Variants in KIAA0513 observed in about 807,000 individuals in gnomAD.
The protein encoded by KIAA0513 is uncharacterized protein KIAA0513.
In KIAA0513, 39 loss-of-function variants were observed where a neutral mutation model predicts 56.5. The ratio of observed to expected loss-of-function variants is 0.69; its 90% CI spans 0.53 to 0.90. KIAA0513 has a LOEUF of 0.90. Ranked by LOEUF, KIAA0513 falls within the 40% of genes least tolerant of loss-of-function variation. The pLI is 0.00. For synonymous variants in KIAA0513, 268 were observed against 215.6 expected (o/e 1.24, Z -2.13); for missense variants, 591 against 535.2 (o/e 1.10, Z -1.03).
intron 1 of KIAA0513, among the ~76,000 whole-genome samples, chr16:85,045,156 A>G (rs1002949618): frequency 6.6e-6 from 1 of 152,060 alleles, no homozygotes; most frequent in Non-Finnish European, 1.5e-5. Flanking sequence ...AAAAGAAAGC[A>G]TCTGTCCCTC....
chr16:85,043,657 C>G (rs995378627), intron 1 of KIAA0513, among the ~76,000 whole-genome samples: 1 of 152,046 alleles, frequency 6.6e-6, no homozygotes, highest in Non-Finnish European at 1.5e-5. Flanking sequence ...AAGTGATCCA[C>G]CCACCTCAGC....
chr16:85,063,519 G>C (rs972549883), intron 1 of KIAA0513: 1 of 152,264 alleles, frequency 6.6e-6, no homozygotes, highest in African/African-American at 2.4e-5. Flanking sequence ...ACCCGCCTCG[G>C]CCTCCCAAAG....
intron 9 of KIAA0513, among the ~76,000 whole-genome samples, chr16:85,082,308 G>A (rs940285365): frequency 1.3e-5 from 2 of 152,132 alleles, no homozygotes; most frequent in Admixed American, 6.5e-5. Flanking sequence ...GAGACTGCCC[G>A]AGGAGCCTCG....
intron 1 of KIAA0513, among the ~76,000 whole-genome samples, chr16:85,057,653 T>G (rs2073348063): frequency 6.6e-6 from 1 of 152,306 alleles, no homozygotes; most frequent in Non-Finnish European, 1.5e-5. Context: ...GGTGGAGTAT[T>G]GTCCTGGGAT....
In KIAA0513 at chr16:85,067,045, C is replaced by T. The variant is rs779164384; in HGVS notation, c.-27C>T. On this transcript the variant is annotated 5_prime_UTR_variant, in exon 2 of 13. Coordinates refer to ENST00000683363, the MANE Select transcript of KIAA0513 (RefSeq NM_001388359.1). Reference sequence around the variant, plus strand: ...CCCTCTAGGCAGCCTCCCCTCCAGGCAGCCTCACCAGCAGCTCCCCTGAGC... The same window carrying T: ...CCCTCTAGGCAGCCTCCCCTCCAGGTAGCCTCACCAGCAGCTCCCCTGAGC... The T allele has an allele frequency of 6.6e-7, 1 of 1,516,746 alleles. No homozygotes were observed. Among genetic ancestry groups the T allele is most frequent in the Non-Finnish European group, 8.8e-7 (1 of 1,133,778 alleles). The allele number at this position is 1,516,746 out of a possible 1,614,324, so 94.0% of individuals were successfully genotyped here.
chr16:85,086,098 C>T (rs1405715747), intron 10 of KIAA0513, among the ~76,000 whole-genome samples: 4 of 152,236 alleles, frequency 2.6e-5, no homozygotes, highest in East Asian at 3.9e-4. Context: ...TGGCCCTCAG[C>T]GCCCTCAGCC....
At chr16:85,053,463 C>A (rs1329941598) in intron 1 of KIAA0513, among the ~76,000 whole-genome samples, 4 of 152,102 alleles carry the variant, frequency 2.6e-5, no homozygotes, top group Admixed American at 2.6e-4. Flanking sequence ...GCATTCATAT[C>A]TGAATAATTA....
intron 2 of KIAA0513, 79 bp downstream of exon 2, chr16:85,067,479 C>A: frequency 8.3e-7 from 1 of 1,201,480 alleles, no homozygotes; most frequent in Non-Finnish European, 1.2e-6. Flanking sequence ...TCGGCTCTGC[C>A]TCTCCCCAGG....
At chr16:85,063,098 C>A (rs2073428539) in intron 1 of KIAA0513, 1 of 152,290 alleles carries the variant, frequency 6.6e-6, no homozygotes, top group Non-Finnish European at 1.5e-5. Context: ...TCTGCTTCCT[C>A]TCACTCTGTG....
At chr16:85,046,989 T>C in intron 1 of KIAA0513, among the ~76,000 whole-genome samples, 1 of 152,234 alleles carries the variant, frequency 6.6e-6, no homozygotes, top group East Asian at 1.9e-4. Flanking sequence ...CTTTGTATGC[T>C]GAGTGGTTCT....
chr16:85,083,897 C>A (rs1000287890), intron 10 of KIAA0513, among the ~76,000 whole-genome samples: 2 of 152,162 alleles, frequency 1.3e-5, no homozygotes, highest in Admixed American at 6.5e-5. Context: ...CCATTATCAT[C>A]CTCTCTGTGT....
intron 1 of KIAA0513, among the ~76,000 whole-genome samples, chr16:85,058,654 CAAAAA>C (rs58904956): frequency 8.1e-6 from 1 of 122,792 alleles, no homozygotes. Flanking sequence ...CTCCATCTCA[CAAAAA>C]AAAAAAAAAC....
chr16:85,037,647 T>G (rs1343207955), intron 1 of KIAA0513, among the ~76,000 whole-genome samples: 1 of 152,238 alleles, frequency 6.6e-6, no homozygotes, highest in African/African-American at 2.4e-5. Context: ...AGAGGCAGAT[T>G]ATGTTGAACT....
intron 1 of KIAA0513, among the ~76,000 whole-genome samples, chr16:85,029,180 T>C (rs111259204): frequency 1.1e-3 from 175 of 152,324 alleles, no homozygotes; most frequent in African/African-American, 4.1e-3. Context: ...CGAAAGGCTA[T>C]TGAAATTGGC....
chr16:85,058,041 T>C (rs887353979), intron 1 of KIAA0513, among the ~76,000 whole-genome samples: 4 of 152,212 alleles, frequency 2.6e-5, no homozygotes, highest in Non-Finnish European at 4.4e-5. Flanking sequence ...CAGGCTCTTA[T>C]GTTCACAGCA....
chr16:85,053,931 G>T (rs1331073444), intron 1 of KIAA0513, among the ~76,000 whole-genome samples: 1 of 149,820 alleles, frequency 6.7e-6, no homozygotes, highest in Non-Finnish European at 1.5e-5. Context: ...GGCAGAGTTT[G>T]CAGCGAACTG....
intron 1 of KIAA0513, among the ~76,000 whole-genome samples, chr16:85,039,250 C>G (rs555092211): frequency 1.3e-5 from 2 of 152,154 alleles, no homozygotes; most frequent in South Asian, 2.1e-4. Flanking sequence ...TCCTTGTAAC[C>G]CAAAACACTG....
chr16:85,066,613 A>G (rs1278701991), intron 1 of KIAA0513, among the ~76,000 whole-genome samples: 1 of 152,088 alleles, frequency 6.6e-6, no homozygotes, highest in Non-Finnish European at 1.5e-5. Flanking sequence ...TGTCCTGGCG[A>G]TGGGCTCAGT....
At chr16:85,059,174 T>C (rs2073369641) in intron 1 of KIAA0513, among the ~76,000 whole-genome samples, 1 of 152,218 alleles carries the variant, frequency 6.6e-6, no homozygotes, top group Non-Finnish European at 1.5e-5. Flanking sequence ...TTGGCTCAGA[T>C]AGGGTGTCAT....
Sources: allele counts gnomAD v4.1 joint callset (sites outside exome capture counted in the v4.1 genomes callset), GRCh38; gene constraint gnomAD v4.1.1; transcripts MANE v1.5; gene names NCBI Gene and HGNC (gene_info 2026-07-23, HGNC 2026-07-21).